Variants in RASA2 observed in about 807,000 individuals in gnomAD.
RASA2 encodes RAS p21 protein activator 2.
RASA2 carries 155 observed loss-of-function variants against 118.2 expected under a neutral mutation model. The observed-to-expected ratio is 1.31, with a 90% confidence interval of 1.15 to 1.50. RASA2 has a LOEUF of 1.50. RASA2 is among the 40% of genes most tolerant of loss of function. The pLI is 0.00. For missense variants in RASA2, 1,016 were observed against 1,009.6 expected (o/e 1.01, Z -0.09); for synonymous variants, 353 against 349.1 (o/e 1.01, Z -0.12).
intron 5 of RASA2, among the ~76,000 whole-genome samples, chr3:141,545,688 T>C (rs2082474912): frequency 6.6e-6 from 1 of 151,858 alleles, no homozygotes; most frequent in African/African-American, 2.4e-5. Context: ...CCTCGTGATG[T>C]GCCCACCTCA....
chr3:141,539,461 T>C (rs1231433473), intron 4 of RASA2, among the ~76,000 whole-genome samples: 5 of 152,178 alleles, frequency 3.3e-5, no homozygotes, highest in Non-Finnish European at 7.3e-5. Context: ...AGATTCATTC[T>C]TGTATAAGTC....
intron 8 of RASA2, 54 bp downstream of exon 8, chr3:141,559,016 C>A: frequency 7.0e-7 from 1 of 1,431,536 alleles, no homozygotes; most frequent in Non-Finnish European, 9.6e-7. Flanking sequence ...AAAGAAAATC[C>A]TAGATTCAAC....
intron 3 of RASA2, among the ~76,000 whole-genome samples, chr3:141,526,628 C>T (rs2082189290): frequency 6.6e-6 from 1 of 152,146 alleles, no homozygotes; most frequent in East Asian, 1.9e-4. Context: ...ATATCATTTT[C>T]TCTAACTTTG....
At chr3:141,518,716 A>G (rs958941434) in intron 3 of RASA2, among the ~76,000 whole-genome samples, 12 of 151,742 alleles carry the variant, frequency 7.9e-5, no homozygotes, top group African/African-American at 2.9e-4. Context: ...AACCTTTAAA[A>G]CAATATGTTT....
chr3:141,581,110 A>G lies in RASA2; in HGVS notation c.1685A>G (p.Lys562Arg). The change falls in exon 17 of 24, where the codon AAA becomes AGA. Residue 562 changes from lysine (K) to arginine (R), a missense_variant. Around this residue, in one of 2 missense-constraint regions of RASA2, gnomAD observed 896 missense variants for 836.4 expected, o/e 1.07. Transcript: ENST00000286364. The part of the protein sequence containing the change: ...GSLSKSKSSF[K>R]ETFMCEFFKM... ...TTTGTTTTTTCTTAGTCAAGTTTCA[A>G]AGAGACATTCATGTGTGAATTTTTC... 6.5e-7 allele frequency: 1 copy of G among 1,537,668 alleles called. No individual in the cohort carries two copies. The highest frequency in any genetic ancestry group is 8.7e-7 in the Non-Finnish European group (1 of 1,150,260).
At position 141,604,314 on chromosome 3, in the gene RASA2, A is replaced by G. The variant is rs187308959; in HGVS notation, c.1934-3364A>G. ...CCTTTTTATTGGAATAGTTGAGCAT[A>G]TATGGGTGTTTGCACTCTATCTTTC... On this transcript the variant is annotated intron_variant, in intron 19 of 23. Transcript: ENST00000286364. 1.2e-4 allele frequency among the ~76,000 whole-genome samples: 18 copies of G among 152,144 alleles called. No homozygotes were observed. In the East Asian group the frequency reaches 3.5e-3, roughly 29 times the overall value.
rs112957717 is a variant in RASA2 at position 141,599,765 on chromosome 3, T to C, written c.1934-7913T>C. 1.5e-3 allele frequency among the ~76,000 whole-genome samples: 223 copies of C among 152,246 alleles called. 4 individuals carry two copies. Among genetic ancestry groups the C allele is most frequent in the African/African-American group, 5.1e-3 (214 of 41,574 alleles). ...ATAGCCAGAGATGGCAAGTGCGTTTTCATTCAGTCTAATACTTCTGGATTC... is the reference window on the plus strand; with the variant it reads ...ATAGCCAGAGATGGCAAGTGCGTTTCCATTCAGTCTAATACTTCTGGATTC... On this transcript the variant is annotated intron_variant, in intron 19 of 23. Coordinates refer to ENST00000286364, the MANE Select transcript of RASA2 (RefSeq NM_006506.5).
intron 3 of RASA2, chr3:141,525,634 C>T (rs888340854): frequency 6.6e-6 from 1 of 151,864 alleles, no homozygotes; most frequent in Non-Finnish European, 1.5e-5. Flanking sequence ...GGTGAAAACC[C>T]ATCTCTACAA....
At chr3:141,513,083 A>C (rs1373750976) in intron 2 of RASA2, among the ~76,000 whole-genome samples, 109 of 148,126 alleles carry the variant, frequency 7.4e-4, no homozygotes, top group African/African-American at 2.7e-3. Context: ...AAAAAAAACA[A>C]AAAAACGAAA....
intron 15 of RASA2, 55 bp from the exon 16 acceptor site, chr3:141,580,313 A>T: frequency 7.3e-7 from 1 of 1,371,484 alleles, no homozygotes; most frequent in Non-Finnish European, 1.0e-6. Flanking sequence ...CTACTTTTTT[A>T]TACAAACTAT....
chr3:141,580,105 T>A (rs1196016548), intron 15 of RASA2, among the ~76,000 whole-genome samples: 71 of 132,836 alleles, frequency 5.3e-4, no homozygotes, highest in Non-Finnish European at 9.3e-4. Context: ...TATATATATA[T>A]ATATATATAT....
intron 4 of RASA2, among the ~76,000 whole-genome samples, chr3:141,538,985 T>A (rs1386752841): frequency 6.6e-6 from 1 of 152,238 alleles, no homozygotes; most frequent in Admixed American, 6.5e-5. Flanking sequence ...ACAGTTGTGT[T>A]AGCATACGAT....
chr3:141,487,189 G>A lies in RASA2; in HGVS notation c.106G>A (p.Val36Met), dbSNP rs755855918. Residue 36 changes from valine to methionine, a missense_variant, in exon 1 of 24, where the codon GTG (valine) becomes ATG (methionine). Physicochemically the swap from Val to Met is conservative, Grantham distance 21 (BLOSUM62 1). Coordinates refer to ENST00000286364, the MANE Select transcript of RASA2 (RefSeq NM_006506.5). ...AGDQDSREVR[V>M]LQSLRGKICE... ...GGACCAGGACAGTCGCGAGGTTCGA[G>A]TGTTGCAGAGCCTGCGGGGCAAGAT... 8.9e-6 allele frequency: 13 copies of A among 1,459,322 alleles called. No homozygotes were observed. The East Asian group carries it at 3.8e-4, about 43-fold the overall frequency. 90.4% of individuals were successfully genotyped at this position (1,459,322 alleles called of 1,614,324 possible). A position where few individuals can be genotyped will look rare whatever the true frequency, so the allele number is the denominator to read the frequency against.
rs192804654 is a variant in RASA2 at position 141,511,027 on chromosome 3, T to C, written c.134-1136T>C. On this transcript the variant is annotated intron_variant, in intron 1 of 23. Coordinates refer to ENST00000286364, the MANE Select transcript of RASA2 (RefSeq NM_006506.5). ...CTCTCATGTTTGTTCGAATAAAAGA[T>C]TGTGGTGGCTTGGACTCGGTGATTC... Among the ~76,000 whole-genome samples, 73 of 152,174 alleles carry C rather than the reference T, an allele frequency of 4.8e-4. 1 individual carries two copies. Among genetic ancestry groups the C allele is most frequent in the Admixed American group, 3.6e-3 (55 of 15,296 alleles).
At chr3:141,528,075 T>A (rs1247889421) in intron 3 of RASA2, among the ~76,000 whole-genome samples, 2 of 151,978 alleles carry the variant, frequency 1.3e-5, no homozygotes, top group Non-Finnish European at 2.9e-5. Context: ...TTTATATGTT[T>A]TAACTTCATG....
At chr3:141,547,799 A>C (rs1314276068) in intron 5 of RASA2, among the ~76,000 whole-genome samples, 1 of 152,200 alleles carries the variant, frequency 6.6e-6, no homozygotes, top group African/African-American at 2.4e-5. Flanking sequence ...TTCCCCATTC[A>C]GTATGATACT....
chr3:141,595,537 C>T (rs554697630), intron 19 of RASA2, among the ~76,000 whole-genome samples: 1 of 152,170 alleles, frequency 6.6e-6, no homozygotes, highest in Admixed American at 6.5e-5. Context: ...TGTGTACATA[C>T]CTAATTACAA....
intron 11 of RASA2, 71 bp downstream of exon 11, chr3:141,571,625 T>C (rs1416133096): frequency 1.2e-5 from 18 of 1,461,046 alleles, no homozygotes; most frequent in Non-Finnish European, 1.7e-5. Context: ...CAGATTGATT[T>C]TGTAGTCTGA....
chr3:141,490,596 G>T (rs1235253873), intron 1 of RASA2, among the ~76,000 whole-genome samples: 1 of 152,176 alleles, frequency 6.6e-6, no homozygotes, highest in Non-Finnish European at 1.5e-5. Context: ...TGAATTTTCA[G>T]ATGTGTGGTA....
Sources: gnomAD v4.1 joint callset for allele counts (sites outside exome capture counted in the v4.1 genomes callset) on GRCh38, gnomAD v4.1.1 for gene constraint, gnomAD v4.1.1 regional missense constraint, MANE v1.5 for transcripts, NCBI Gene and HGNC (gene_info 2026-07-23, HGNC 2026-07-21) for gene names.